The following POLD3 variants were observed in gnomAD, a reference collection of about 807,000 sequenced individuals.
POLD3 encodes DNA polymerase delta subunit 3.
POLD3 carries 19 observed loss-of-function variants against 58.2 expected under a neutral mutation model. The ratio of observed to expected loss-of-function variants is 0.33; its 90% CI spans 0.23 to 0.48. The LOEUF is 0.48. Ranked by LOEUF, POLD3 falls within the 20% of genes least tolerant of loss-of-function variation. The pLI, the probability that POLD3 is intolerant of heterozygous loss-of-function variation, is 0.99. For missense variants in POLD3, 504 were observed against 545.5 expected (o/e 0.92, Z 0.76); for synonymous variants, 172 against 193.5 (o/e 0.89, Z 0.92).
chr11:74,593,558 T>C (rs1448766559), intron 1 of POLD3, among the ~76,000 whole-genome samples: 2 of 152,240 alleles, frequency 1.3e-5, no homozygotes, highest in African/African-American at 2.4e-5. Flanking sequence ...GGCTTGATGC[T>C]GGTAGTTCCC....
chr11:74,645,066 C>T (rs1175982760), downstream of POLD3, among the ~76,000 whole-genome samples: 1 of 152,118 alleles, frequency 6.6e-6, no homozygotes, highest in African/African-American at 2.4e-5. Context: ...GACAAACATA[C>T]TAAATAGCAT....
chr11:74,608,811 T>G (rs1024797992), intron 3 of POLD3, among the ~76,000 whole-genome samples: 1 of 152,220 alleles, frequency 6.6e-6, no homozygotes, highest in Non-Finnish European at 1.5e-5. Flanking sequence ...TAATAAGCTC[T>G]GTAATTTTTA....
chr11:74,626,740 A>T (rs2032444045), intron 8 of POLD3, among the ~76,000 whole-genome samples: 1 of 152,170 alleles, frequency 6.6e-6, no homozygotes, highest in Admixed American at 6.5e-5. Context: ...TAACTTCATA[A>T]GATTACTCAT....
chr11:74,595,505 A>G (rs2031210033), intron 2 of POLD3: 1 of 152,098 alleles, frequency 6.6e-6, no homozygotes. Flanking sequence ...AGAGTTCTTT[A>G]TATATTCTGA....
intron 4 of POLD3, among the ~76,000 whole-genome samples, chr11:74,662,711 A>G (rs1016860350): frequency 1.3e-5 from 2 of 152,078 alleles, no homozygotes; most frequent in African/African-American, 4.8e-5. Context: ...CATGCCCCCC[A>G]GGTCCACAAG....
In POLD3 at chr11:74,641,100, C is replaced by T. The variant is rs1164702916; in HGVS notation, c.*334C>T. 9.8e-7 allele frequency: 1 copy of T among 1,017,174 alleles called. No individual in the cohort carries two copies. Among genetic ancestry groups the T allele is most frequent in the Non-Finnish European group, 1.2e-6 (1 of 851,316 alleles). The allele number at this position is 1,017,174 out of a possible 1,614,324, so 63.0% of individuals were successfully genotyped here. A position where few individuals can be genotyped will look rare whatever the true frequency, so the allele number is the denominator to read the frequency against. The stretch of plus-strand genomic sequence containing the variant: ...GGCTAACCCACTGTGCTCCACTCAC[C>T]CTATGCCCTGGTCCGCATATGGCAC... On this transcript the variant is annotated 3_prime_UTR_variant, in exon 12 of 12. Transcript: ENST00000263681.
At chr11:74,607,240 T>TTATTATA (rs1554974448) in intron 3 of POLD3, among the ~76,000 whole-genome samples, 7 of 61,924 alleles carry the variant, frequency 1.1e-4, no homozygotes, top group African/African-American at 3.4e-4. Context: ...ATTATTATTA[T>TTATTATA]TATATATTTA....
intron 4 of POLD3, among the ~76,000 whole-genome samples, chr11:74,666,260 C>G (rs139527341): frequency 6.6e-6 from 1 of 152,344 alleles, no homozygotes; most frequent in East Asian, 1.9e-4. Flanking sequence ...GTTCACACCT[C>G]TAATCCCAGC....
intron 4 of POLD3, among the ~76,000 whole-genome samples, chr11:74,658,957 A>C (rs2033170619): frequency 6.6e-6 from 1 of 152,208 alleles, no homozygotes. Context: ...TCCACTAGGC[A>C]GTGCCCCAGT....
At chr11:74,658,328 AAT>A (rs1429849553) in intron 4 of POLD3, among the ~76,000 whole-genome samples, 1 of 152,162 alleles carries the variant, frequency 6.6e-6, no homozygotes, top group Non-Finnish European at 1.5e-5. Context: ...TCCCTCCCAC[AAT>A]ATGTGGGAAT....
intron 7 of POLD3, among the ~76,000 whole-genome samples, chr11:74,622,731 C>G (rs2032304527): frequency 6.6e-6 from 1 of 152,136 alleles, no homozygotes; most frequent in South Asian, 2.1e-4. Context: ...AACCCTTGTG[C>G]TCTGCTGTAG....
chr11:74,633,624 T>C (rs1298109299), intron 9 of POLD3, among the ~76,000 whole-genome samples: 1 of 152,224 alleles, frequency 6.6e-6, no homozygotes. Context: ...TTGTGGTGAT[T>C]GAGTAATAGG....
chr11:74,592,995 G>A, intron 1 of POLD3: 1 of 1,332,534 alleles, frequency 7.5e-7, no homozygotes, highest in South Asian at 1.7e-5. Context: ...AGGGAGGGCC[G>A]TTGGCTGAGA....
At chr11:74,645,408 A>G (rs1231365126), downstream of POLD3, among the ~76,000 whole-genome samples, 1 of 152,248 alleles carries the variant, frequency 6.6e-6, no homozygotes, top group Non-Finnish European at 1.5e-5. Context: ...GGCAGTTTAT[A>G]CAATATAAAG....
intron 2 of POLD3, among the ~76,000 whole-genome samples, chr11:74,597,309 TA>T (rs1382412254): frequency 6.6e-6 from 1 of 152,262 alleles, no homozygotes; most frequent in Non-Finnish European, 1.5e-5. Flanking sequence ...AGGCTTTGCC[TA>T]ACCCAGGGTT....
At chr11:74,648,900 C>G (rs986017295) in intron 4 of POLD3, among the ~76,000 whole-genome samples, 1 of 152,130 alleles carries the variant, frequency 6.6e-6, no homozygotes, top group African/African-American at 2.4e-5. Flanking sequence ...GAAGTTAGAT[C>G]TAGTTTTGTT....
chr11:74,612,832 T>C, intron 4 of POLD3, 46 bp from the exon 5 acceptor site: 1 of 1,563,314 alleles, frequency 6.4e-7, no homozygotes, highest in Non-Finnish European at 8.7e-7. Flanking sequence ...CCCCACATGC[T>C]ATGAAGTTTG....
At chr11:74,621,296 C>G (rs967323043) in intron 7 of POLD3, among the ~76,000 whole-genome samples, 1 of 152,016 alleles carries the variant, frequency 6.6e-6, no homozygotes, top group Admixed American at 6.6e-5. Context: ...GGATTGTGAA[C>G]CCTATTGTGA....
At chr11:74,621,953 C>CT (rs2032275038) in intron 7 of POLD3, among the ~76,000 whole-genome samples, 1 of 151,856 alleles carries the variant, frequency 6.6e-6, no homozygotes. Flanking sequence ...ATGTGCCATG[C>CT]TGGTGTGCTG....
Sources: allele counts gnomAD v4.1 joint callset (sites outside exome capture counted in the v4.1 genomes callset), GRCh38; gene constraint gnomAD v4.1.1; transcripts MANE v1.5; gene names NCBI Gene and HGNC (gene_info 2026-07-23, HGNC 2026-07-21).